Variants in FRMD7 observed in about 807,000 individuals in gnomAD.
FRMD7 encodes the protein FERM domain containing 7.
Under a neutral mutation model 44.1 loss-of-function variants are expected in FRMD7, and 14 were observed. The observed-to-expected ratio is 0.32, with a 90% CI of 0.21 to 0.50. The LOEUF is 0.50. Among genes scored for constraint, FRMD7 ranks in the 20% least tolerant of loss-of-function variants. The pLI, the probability that FRMD7 is intolerant of heterozygous loss-of-function variation, is 0.99. For synonymous variants in FRMD7, 212 were observed against 187.4 expected, an observed-to-expected ratio of 1.13 and a Z score of -1.07; for missense variants, 501 against 522.3, an observed-to-expected ratio of 0.96 and a Z score of 0.40.
chrX:132,096,716 C>CAA (rs34250894), intron 4 of FRMD7, among the ~76,000 whole-genome samples: 28 of 55,565 alleles, frequency 5.0e-4, no homozygotes, highest in Non-Finnish European at 6.1e-4. Flanking sequence ...GACCCTGTCT[C>CAA]AAAAAAAAAA....
At position 132,077,952 on chromosome X, in the gene FRMD7, C is replaced by T; in HGVS notation, c.2065G>A (p.Glu689Lys). ...LSSGSLQLDE[E>K]DEDAYFNTPT... is the part of the protein sequence containing the mutation. ...GTGTTGAAATAAGCATCTTCATCTT[C>T]TTCATCTAACTGTAGACTACCAGAA... Residue 689 changes from glutamate to lysine, a missense_variant, in exon 12 of 12, where the codon GAA becomes AAA. This residue lies in a region of FRMD7 where 453 missense variants were observed against 452.7 expected (regional missense o/e 1.00). Transcript: ENST00000298542. 5.0e-6 allele frequency: 6 copies of T among 1,211,430 alleles called. No individual in the cohort carries two copies. Among genetic ancestry groups the T allele is most frequent in the Non-Finnish European group, 6.7e-6 (6 of 895,277 alleles).
At chrX:132,098,840 G>A (rs1420985811) in intron 3 of FRMD7, among the ~76,000 whole-genome samples, 2 of 110,659 alleles carry the variant, frequency 1.8e-5, no homozygotes, top group Non-Finnish European at 3.8e-5. Flanking sequence ...TAGAGGAAGA[G>A]GAACCAGTAA....
Sources: allele counts gnomAD v4.1 joint callset (sites outside exome capture counted in the v4.1 genomes callset), GRCh38; gene constraint gnomAD v4.1.1; regional missense constraint gnomAD v4.1.1; transcripts MANE v1.5; gene names NCBI Gene and HGNC (gene_info 2026-07-23, HGNC 2026-07-21).